The following PIEZO2 variants were observed in gnomAD, a reference collection of about 807,000 sequenced individuals.
PIEZO2 encodes piezo-type mechanosensitive ion channel component 2.
Under a neutral mutation model 337.3 loss-of-function variants are expected in PIEZO2, and 172 were observed. The ratio of observed to expected loss-of-function variants is 0.51; its 90% CI spans 0.45 to 0.58. The LOEUF (loss-of-function observed/expected upper bound fraction) is 0.58. Among genes scored for constraint, PIEZO2 ranks in the 20% least tolerant of loss-of-function variants. The pLI is 0.00. For missense variants in PIEZO2, 3,028 were observed against 3,391.3 expected, an observed-to-expected ratio of 0.89 and a Z score of 2.66; for synonymous variants, 1,251 against 1,228.5, an observed-to-expected ratio of 1.02 and a Z score of -0.38.
chr18:10,960,694 C>T (rs1329824098), intron 3 of PIEZO2, among the ~76,000 whole-genome samples: 3 of 152,114 alleles, frequency 2.0e-5, no homozygotes, highest in African/African-American at 7.2e-5. Flanking sequence ...TTAAAAGTTA[C>T]ATTCTAGATT....
At chr18:10,985,284 GATATAA>G (rs1045883970) in intron 2 of PIEZO2, among the ~76,000 whole-genome samples, 37 of 152,108 alleles carry the variant, frequency 2.4e-4, no homozygotes, top group African/African-American at 8.2e-4. Context: ...TTTGCTAATA[GATATAA>G]ATAGAAAAGA....
At chr18:10,966,121 A>G (rs934390113) in intron 3 of PIEZO2, among the ~76,000 whole-genome samples, 1 of 152,182 alleles carries the variant, frequency 6.6e-6, no homozygotes, top group Admixed American at 6.6e-5. Context: ...CTGGAGTTCA[A>G]TCCAAACCCT....
chr18:10,961,813 C>T (rs1598749416), intron 3 of PIEZO2, among the ~76,000 whole-genome samples: 1 of 151,992 alleles, frequency 6.6e-6, no homozygotes, highest in African/African-American at 2.4e-5. Flanking sequence ...CTTATCCAAC[C>T]TTAAGTGTTA....
chr18:10,882,869 T>C (rs1441772857), intron 4 of PIEZO2, among the ~76,000 whole-genome samples: 2 of 142,602 alleles, frequency 1.4e-5, no homozygotes, highest in Non-Finnish European at 3.0e-5. Flanking sequence ...AGATGGAGTC[T>C]TGCCCTGTCA....
rs1306559064 is a variant in PIEZO2, at chr18:11,127,944, G to A, written c.64+20581C>T. Among the ~76,000 whole-genome samples the A allele has an allele frequency of 6.6e-6, 1 of 151,764 alleles. No individual in the cohort carries two copies. Among genetic ancestry groups the A allele is most frequent in the African/African-American group, 2.4e-5 (1 of 41,298 alleles). On this transcript the variant is annotated intron_variant, in intron 1 of 55. Transcript: ENST00000674853. The surrounding 1 kb of genome is among the most constrained non-coding windows in gnomAD (Gnocchi z 4.5). ...TTTCGTTGGTTTTGGGGTTTCTGGA[G>A]TTGGCTGCTTAGTATGATTAGACCT...
At chr18:10,796,384 A>T (rs1297663661) in intron 12 of PIEZO2, among the ~76,000 whole-genome samples, 1 of 141,664 alleles carries the variant, frequency 7.1e-6, no homozygotes, top group Non-Finnish European at 1.6e-5. Flanking sequence ...AAAAAAAAAA[A>T]GTTATTGCAG....
chr18:11,072,583 G>A (rs1438262636), intron 1 of PIEZO2, among the ~76,000 whole-genome samples: 3 of 152,202 alleles, frequency 2.0e-5, no homozygotes, highest in Non-Finnish European at 4.4e-5. Flanking sequence ...CTTACTGTGT[G>A]ACAAGCCCGG....
intron 5 of PIEZO2, among the ~76,000 whole-genome samples, chr18:10,858,918 C>T (rs556012100): frequency 3.3e-5 from 5 of 152,306 alleles, no homozygotes; most frequent in African/African-American, 1.2e-4. Flanking sequence ...GCAAAAGGAA[C>T]ATCTCATGCT....
intron 1 of PIEZO2, among the ~76,000 whole-genome samples, chr18:11,071,140 A>T (rs946259702): frequency 2.0e-5 from 3 of 152,206 alleles, no homozygotes; most frequent in Non-Finnish European, 2.9e-5. Context: ...CAAAGGAGTC[A>T]TGCACATATT....
rs28675796 is a variant in PIEZO2, at chr18:11,083,948, G to A, written c.65-17726C>T. On this transcript the variant is annotated intron_variant, in intron 1 of 55. Coordinates refer to ENST00000674853, the MANE Select transcript of PIEZO2 (RefSeq NM_001378183.1). This position sits in a 1 kb window ranked among gnomAD's most constrained non-coding sequence, Gnocchi z 4.4. The stretch of plus-strand genomic sequence containing the variant: ...TCCCAGCACTTTGGGAGGCCAAGGC[G>A]GGCTGACCAACTGAGGTCAGGAGTT... Among the ~76,000 whole-genome samples, 15,671 of 152,072 alleles carry A rather than the reference G, an allele frequency of 0.1. 2,176 individuals carry two copies. The highest frequency in any genetic ancestry group is 0.32 in the African/African-American group (13,236 of 41,414).
At chr18:11,076,884 C>A (rs1372386504) in intron 1 of PIEZO2, among the ~76,000 whole-genome samples, 2 of 152,088 alleles carry the variant, frequency 1.3e-5, no homozygotes, top group Admixed American at 1.3e-4. Flanking sequence ...TTTGAAATAT[C>A]TTTTAATATG....
rs1033524670 is a variant in PIEZO2, at chr18:10,969,764, C to T, written c.286+9771G>A. Among the ~76,000 whole-genome samples the T allele has an allele frequency of 6.6e-6, 1 of 151,832 alleles. No homozygotes were observed. The highest frequency in any genetic ancestry group is 2.1e-4 in the South Asian group (1 of 4,792). ...GGAGAGGAGTGAGGGGACAGAGCTC[C>T]TGGCCAAGAGAGGGCATGGGTGCAC... On this transcript the variant is annotated intron_variant, in intron 3 of 55. Transcript: ENST00000674853. The surrounding 1 kb of genome is among the most constrained non-coding windows in gnomAD (Gnocchi z 4.5).
chr18:10,765,599 G>C (rs2038319349), intron 21 of PIEZO2, among the ~76,000 whole-genome samples: 1 of 152,328 alleles, frequency 6.6e-6, no homozygotes, highest in South Asian at 2.1e-4. Flanking sequence ...TGGAGGCAGA[G>C]GGAGTGAGTA....
intron 42 of PIEZO2, 25 bp downstream of exon 42, chr18:10,704,369 C>T: frequency 6.5e-7 from 1 of 1,535,390 alleles, no homozygotes; most frequent in South Asian, 1.2e-5. Flanking sequence ...TGAAGCCATC[C>T]ACAGGGGTCT....
rs1047853450 is a variant in PIEZO2 at position 11,070,185 on chromosome 18, G to A, written c.65-3963C>T. On this transcript the variant is annotated intron_variant, in intron 1 of 55. Transcript: ENST00000674853. This position sits in a 1 kb window ranked among gnomAD's most constrained non-coding sequence, Gnocchi z 4.3. Reference sequence around the variant, plus strand: ...TACTGCTCCTAGGCCAAAAACCTATGCAGCATATGTTACTGTGCTGAATAC... The same window carrying A: ...TACTGCTCCTAGGCCAAAAACCTATACAGCATATGTTACTGTGCTGAATAC... Among the ~76,000 whole-genome samples, 3 of 152,198 alleles carry A rather than the reference G, an allele frequency of 2.0e-5. No individual in the cohort carries two copies. The highest frequency in any genetic ancestry group is 4.4e-5 in the Non-Finnish European group (3 of 68,020).
In PIEZO2 at chr18:11,072,998, T is replaced by C. The variant is rs577656289; in HGVS notation, c.65-6776A>G. Among the ~76,000 whole-genome samples the C allele has an allele frequency of 3.3e-5, 5 of 152,350 alleles. No homozygotes were observed. In the East Asian group the frequency reaches 9.6e-4, roughly 29 times the overall value. ...GGCATATGCTCTGTATGTATGTTGT[T>C]GTTTCAAATTTTTATAACTTTGCTA... On this transcript the variant is annotated intron_variant, in intron 1 of 55. Transcript: ENST00000674853.
chr18:10,718,314 G>A, intron 36 of PIEZO2, 55 bp from the exon 37 acceptor site: 1 of 1,380,462 alleles, frequency 7.2e-7, no homozygotes, highest in African/African-American at 1.4e-5. Flanking sequence ...TAAATTAAAT[G>A]CCAATGTTAC....
chr18:10,787,822 T>C (rs1012624579), intron 15 of PIEZO2, among the ~76,000 whole-genome samples: 1 of 152,252 alleles, frequency 6.6e-6, no homozygotes, highest in Non-Finnish European at 1.5e-5. Flanking sequence ...CATGTGTTTC[T>C]ATTATTGGGT....
chr18:10,914,269 A>T (rs1023500713), intron 3 of PIEZO2, among the ~76,000 whole-genome samples: 86 of 149,192 alleles, frequency 5.8e-4, no homozygotes, highest in African/African-American at 2.0e-3. Context: ...AAAACATGTT[A>T]TTTTTTTTTT....
Sources: gnomAD v4.1 joint callset for allele counts (sites outside exome capture counted in the v4.1 genomes callset) on GRCh38, gnomAD v4.1.1 for gene constraint, Gnocchi (gnomAD v3.1) non-coding constraint, MANE v1.5 for transcripts, NCBI Gene and HGNC (gene_info 2026-07-23, HGNC 2026-07-21) for gene names.